Variants in PCDHGB3 observed in about 807,000 individuals in gnomAD.
PCDHGB3 encodes protocadherin gamma-B3.
Under a neutral mutation model 59.2 loss-of-function variants are expected in PCDHGB3, and 40 were observed. That is an observed-to-expected ratio of 0.68 (90% CI 0.52 to 0.88). PCDHGB3 has a LOEUF of 0.88. Among genes scored for constraint, PCDHGB3 ranks in the 40% least tolerant of loss-of-function variants. The pLI is 0.00. For synonymous variants in PCDHGB3, 581 were observed against 503.6 expected (o/e 1.15, Z -2.06); for missense variants, 1,309 against 1,187.9 (o/e 1.10, Z -1.50).
intron 1 of PCDHGB3, chr5:141,424,767 A>T (rs139479155): frequency 2.9e-4 from 44 of 152,290 alleles, no homozygotes; most frequent in African/African-American, 1.0e-3. Flanking sequence ...TTCTTATGGC[A>T]AATAGTACAT....
Position 141,485,752 on chromosome 5 carries a change from G to A in PCDHGB3, c.2416-9055G>A. 1 of 1,614,232 alleles carries A rather than the reference G, an allele frequency of 6.2e-7. No individual in the cohort carries two copies. Among genetic ancestry groups the A allele is most frequent in the Middle Eastern group, 1.6e-4 (1 of 6,062 alleles). ...GCAGCGACGGCAGCCTGGTCCCAGA[G>A]CTGCTCCTGGAGAAGCCTTTGGATC... On this transcript the variant is annotated intron_variant, in intron 1 of 3. Coordinates refer to ENST00000576222, the MANE Select transcript of PCDHGB3 (RefSeq NM_018924.5). This position sits in a 1 kb window ranked among gnomAD's most constrained non-coding sequence, Gnocchi z 5.7.
At chr5:141,389,413 G>A in intron 1 of PCDHGB3, 1 of 1,613,608 alleles carries the variant, frequency 6.2e-7, no homozygotes, top group South Asian at 1.1e-5. Flanking sequence ...GCGGAGAGCG[G>A]GGTGGTGTTC....
At chr5:141,403,081 T>C (rs772246285) in intron 1 of PCDHGB3, 1 of 1,614,048 alleles carries the variant, frequency 6.2e-7, no homozygotes, top group East Asian at 2.2e-5. Flanking sequence ...AAAAGGGCTA[T>C]ATTGTGGGCA....
intron 1 of PCDHGB3, chr5:141,390,882 G>C (rs892294372): frequency 6.5e-6 from 1 of 152,824 alleles, no homozygotes; most frequent in Admixed American, 6.5e-5. Flanking sequence ...GTGTGTGTGT[G>C]TGTGTGAGAG....
chr5:141,427,435 T>G, intron 1 of PCDHGB3: 1 of 474,160 alleles, frequency 2.1e-6, no homozygotes, highest in Non-Finnish European at 4.2e-6. Context: ...ACATGCCTCA[T>G]AAACGAAAGA....
At chr5:141,417,585 G>T in intron 1 of PCDHGB3, 1 of 462,794 alleles carries the variant, frequency 2.2e-6, no homozygotes, top group South Asian at 4.9e-5. Context: ...GTCCCACACA[G>T]AGCCTCTGGG....
At chr5:141,466,275 A>G (rs1163982252) in intron 1 of PCDHGB3, among the ~76,000 whole-genome samples, 1 of 152,112 alleles carries the variant, frequency 6.6e-6, no homozygotes. Context: ...AGCTCAAGCA[A>G]TCTTCCCACC....
intron 1 of PCDHGB3, chr5:141,408,038 C>G (rs2095030679): frequency 8.6e-7 from 1 of 1,156,402 alleles, no homozygotes; most frequent in Admixed American, 3.0e-5. Flanking sequence ...AGAAAACCAG[C>G]TCCCACACAG....
intron 1 of PCDHGB3, among the ~76,000 whole-genome samples, chr5:141,425,111 A>G (rs2096857405): frequency 6.6e-6 from 1 of 152,144 alleles, no homozygotes; most frequent in Admixed American, 6.5e-5. Context: ...AGATGCCTAC[A>G]TTTTTCTTGA....
Position 141,485,890 on chromosome 5 carries a change from C to G in PCDHGB3, c.2416-8917C>G. 4 of 1,614,156 alleles carry G rather than the reference C, an allele frequency of 2.5e-6. No individual in the cohort carries two copies. Among genetic ancestry groups the G allele is most frequent in the Non-Finnish European group, 2.5e-6 (3 of 1,180,022 alleles). The stretch of plus-strand genomic sequence containing the variant: ...CCGTGCTGGACGTAAACGACAACGC[C>G]CCAGCCTTCCAGCAATCCAGCTACA... On this transcript the variant is annotated intron_variant, in intron 1 of 3. Coordinates refer to ENST00000576222, the MANE Select transcript of PCDHGB3 (RefSeq NM_018924.5). The surrounding 1 kb of genome is among the most constrained non-coding windows in gnomAD (Gnocchi z 5.7).
intron 1 of PCDHGB3, chr5:141,393,292 C>T: frequency 6.2e-7 from 1 of 1,613,946 alleles, no homozygotes; most frequent in Non-Finnish European, 8.5e-7. Context: ...GCTGTTGACC[C>T]GGATGTGGGC....
intron 1 of PCDHGB3, chr5:141,404,392 T>C (rs759142051): frequency 3.1e-6 from 5 of 1,613,820 alleles, no homozygotes; most frequent in African/African-American, 1.3e-5. Flanking sequence ...ATGACCCTGA[T>C]AGCAATGAGA....
At chr5:141,392,585 G>A (rs749915419) in intron 1 of PCDHGB3, 4 of 468,068 alleles carry the variant, frequency 8.5e-6, no homozygotes, top group Non-Finnish European at 1.5e-5. Context: ...TGTAAGCGCC[G>A]CTGTTCACCT....
intron 1 of PCDHGB3, chr5:141,375,224 C>G (rs1771263153): frequency 6.2e-7 from 1 of 1,613,976 alleles, no homozygotes; most frequent in Non-Finnish European, 8.5e-7. Flanking sequence ...CCTGAATGGC[C>G]TGGTAACCTG....
rs749306291 is a variant in PCDHGB3 at position 141,370,865 on chromosome 5, G to T, written c.471G>T (p.Ala157=). 6.2e-7 allele frequency: 1 copy of T among 1,614,004 alleles called. No homozygotes were observed. The highest frequency in any genetic ancestry group is 8.5e-7 in the Non-Finnish European group (1 of 1,179,898). ...GAGCCACATTTGCCCTGGAATCTGC[G>T]CAAGATCCTGATGTAGGTGTCAATT... ...LTGATFALES[A]QDPDVGVNSL... The change falls in exon 1 of 4, where the codon GCG becomes GCT. Residue 157 remains alanine (A), a synonymous_variant. Coordinates refer to ENST00000576222, the MANE Select transcript of PCDHGB3 (RefSeq NM_018924.5).
intron 3 of PCDHGB3, among the ~76,000 whole-genome samples, chr5:141,506,381 G>A (rs750584158): frequency 2.0e-5 from 3 of 151,216 alleles, no homozygotes; most frequent in Non-Finnish European, 4.4e-5. Context: ...CCTGGGAGGT[G>A]GCTGTGGTGA....
chr5:141,433,283 T>A, intron 1 of PCDHGB3: 1 of 1,183,074 alleles, frequency 8.5e-7, no homozygotes, highest in Non-Finnish European at 1.2e-6. Flanking sequence ...AGCCTCAAAC[T>A]CCTAGGCTCA....
chr5:141,464,138 G>A (rs62379197), intron 1 of PCDHGB3, among the ~76,000 whole-genome samples: 42,814 of 151,688 alleles, frequency 0.28, 6,814 homozygotes, highest in African/African-American at 0.44. Context: ...GGTGGTGGGC[G>A]CCTGTAGTCC....
intron 1 of PCDHGB3, among the ~76,000 whole-genome samples, chr5:141,446,381 T>C (rs1225260527): frequency 1.3e-5 from 2 of 152,248 alleles, no homozygotes; most frequent in Non-Finnish European, 2.9e-5. Flanking sequence ...TAAAGAATGA[T>C]AGATTTAAGA....
Sources: allele counts gnomAD v4.1 joint callset (sites outside exome capture counted in the v4.1 genomes callset), GRCh38; gene constraint gnomAD v4.1.1; non-coding constraint Gnocchi (gnomAD v3.1); transcripts MANE v1.5; gene names NCBI Gene and HGNC (gene_info 2026-07-23, HGNC 2026-07-21).